Variants in ANKS1B observed in about 807,000 individuals in gnomAD.
ANKS1B encodes the protein ankyrin repeat and sterile alpha motif domain containing 1B.
A neutral mutation model predicts 148.3 loss-of-function variants in ANKS1B; 36 were observed. The ratio of observed to expected loss-of-function variants is 0.24; its 90% CI spans 0.19 to 0.32. The LOEUF is 0.32. Among genes scored for constraint, ANKS1B ranks in the 10% least tolerant of loss-of-function variants. ANKS1B has a pLI of 1.00. For synonymous variants in ANKS1B, 542 were observed against 560.8 expected, an observed-to-expected ratio of 0.97 and a Z score of 0.47; for missense variants, 1,157 against 1,542.6, an observed-to-expected ratio of 0.75 and a Z score of 4.19.
intron 6 of ANKS1B, among the ~76,000 whole-genome samples, chr12:99,776,807 G>A (rs10860521): frequency 0.44 from 67,108 of 151,720 alleles, 15,522 homozygotes; most frequent in South Asian, 0.65. Flanking sequence ...AGCCCCCCAA[G>A]CTAGCTGAGA....
intron 1 of ANKS1B, among the ~76,000 whole-genome samples, chr12:99,922,911 C>A (rs180964428): frequency 1.4e-4 from 21 of 151,786 alleles, no homozygotes; most frequent in Non-Finnish European, 2.5e-4. Context: ...CACCCCTTGA[C>A]CTTGGACCTC....
At chr12:99,180,294 C>G (rs905483396) in intron 14 of ANKS1B, among the ~76,000 whole-genome samples, 2 of 152,184 alleles carry the variant, frequency 1.3e-5, no homozygotes, top group Non-Finnish European at 2.9e-5. Context: ...GCATATTTTT[C>G]ACAAGACTTT....
At chr12:99,578,781 A>G (rs1171892619) in intron 9 of ANKS1B, among the ~76,000 whole-genome samples, 1 of 152,194 alleles carries the variant, frequency 6.6e-6, no homozygotes, top group African/African-American at 2.4e-5. Flanking sequence ...GCCCATAGCA[A>G]TTTACAGATT....
At chr12:99,182,538 A>G (rs1323606675) in intron 14 of ANKS1B, among the ~76,000 whole-genome samples, 1 of 152,108 alleles carries the variant, frequency 6.6e-6, no homozygotes, top group Non-Finnish European at 1.5e-5. Context: ...GTGTATATGT[A>G]TTACATTTTC....
At chr12:99,841,683 C>CTAA (rs2085770086) in intron 1 of ANKS1B, among the ~76,000 whole-genome samples, 1 of 152,026 alleles carries the variant, frequency 6.6e-6, no homozygotes, top group South Asian at 2.1e-4. Flanking sequence ...TACTGACTTA[C>CTAA]TAATATAGTC....
At chr12:99,381,046 T>C (rs1593509663) in intron 12 of ANKS1B, among the ~76,000 whole-genome samples, 1 of 152,036 alleles carries the variant, frequency 6.6e-6, no homozygotes. Flanking sequence ...GAGATTGAAA[T>C]TATGCTGCCA....
intron 1 of ANKS1B, among the ~76,000 whole-genome samples, chr12:99,862,877 A>G (rs2153720194): frequency 6.6e-6 from 1 of 152,316 alleles, no homozygotes; most frequent in East Asian, 1.9e-4. Context: ...GCTGACATGG[A>G]GAAGGAAAAA....
intron 12 of ANKS1B, among the ~76,000 whole-genome samples, chr12:99,395,723 A>G (rs17029350): frequency 0.092 from 13,967 of 152,168 alleles, 1,908 homozygotes; most frequent in African/African-American, 0.3. Context: ...GATGATTCAC[A>G]AGTTGAAGCT....
chr12:99,801,300 T>C (rs768596291), intron 4 of ANKS1B, among the ~76,000 whole-genome samples: 16 of 152,114 alleles, frequency 1.1e-4, no homozygotes, highest in Non-Finnish European at 1.9e-4. Flanking sequence ...GCATCAAACA[T>C]ACTTCCCCCA....
chr12:99,742,790 A>G (rs2060246812), intron 8 of ANKS1B, among the ~76,000 whole-genome samples: 1 of 150,650 alleles, frequency 6.6e-6, no homozygotes, highest in Non-Finnish European at 1.5e-5. Context: ...GTGAGCCAAG[A>G]TCGCACCACT....
At chr12:99,101,036 T>G (rs1020849801) in intron 15 of ANKS1B, among the ~76,000 whole-genome samples, 1 of 152,104 alleles carries the variant, frequency 6.6e-6, no homozygotes, top group Non-Finnish European at 1.5e-5. Flanking sequence ...GGTTGCAGCA[T>G]GAACAAGGGC....
At chr12:98,755,324 G>A (rs777996538) in intron 25 of ANKS1B, among the ~76,000 whole-genome samples, 1 of 152,228 alleles carries the variant, frequency 6.6e-6, no homozygotes, top group Non-Finnish European at 1.5e-5. Context: ...AGGCTTAGGT[G>A]AGAAGCCCAT....
chr12:99,104,771 A>C (rs983087373), intron 15 of ANKS1B: 2 of 151,996 alleles, frequency 1.3e-5, no homozygotes, highest in African/African-American at 4.8e-5. Context: ...CTGTCTCTTT[A>C]CCTCACTTTG....
chr12:99,934,222 C>A (rs182175106), intron 1 of ANKS1B, among the ~76,000 whole-genome samples: 51 of 152,178 alleles, frequency 3.4e-4, no homozygotes, highest in Non-Finnish European at 5.9e-4. Flanking sequence ...TAATACTGGC[C>A]TGTAGTTTTC....
intron 10 of ANKS1B, among the ~76,000 whole-genome samples, chr12:99,454,215 GC>G (rs1262453682): frequency 2.6e-5 from 4 of 152,138 alleles, no homozygotes; most frequent in Admixed American, 2.6e-4. Context: ...AAACAAAATT[GC>G]CTTTGTAAAA....
At chr12:99,511,387 A>G (rs2096764266) in intron 9 of ANKS1B, among the ~76,000 whole-genome samples, 1 of 152,056 alleles carries the variant, frequency 6.6e-6, no homozygotes, top group African/African-American at 2.4e-5. Flanking sequence ...AAGGAGAACT[A>G]CAAACCACTG....
chr12:99,137,224 A>G (rs190677562), intron 15 of ANKS1B, among the ~76,000 whole-genome samples: 25 of 152,306 alleles, frequency 1.6e-4, no homozygotes, highest in African/African-American at 5.5e-4. Flanking sequence ...TGTCTTCTGA[A>G]TTAGTATCAA....
chr12:98,882,829 G>A (rs1301330961), intron 17 of ANKS1B, among the ~76,000 whole-genome samples: 1 of 151,890 alleles, frequency 6.6e-6, no homozygotes, highest in Non-Finnish European at 1.5e-5. Context: ...TGTTAATGAA[G>A]CCAAAATGTA....
At chr12:99,301,309 T>A (rs1227988454) in intron 12 of ANKS1B, among the ~76,000 whole-genome samples, 1 of 152,106 alleles carries the variant, frequency 6.6e-6, no homozygotes, top group Non-Finnish European at 1.5e-5. Context: ...GTTTACCAGC[T>A]CTCTGGGATC....
Sources: allele counts gnomAD v4.1 joint callset (sites outside exome capture counted in the v4.1 genomes callset), GRCh38; gene constraint gnomAD v4.1.1; transcripts MANE v1.5; gene names NCBI Gene and HGNC (gene_info 2026-07-23, HGNC 2026-07-21).